BMPR1A: variants seen among roughly 807,000 people sequenced by gnomAD.
BMPR1A encodes bone morphogenetic protein receptor type-1A.
BMPR1A carries 7 observed loss-of-function variants against 66.0 expected under a neutral mutation model. The ratio of observed to expected loss-of-function variants is 0.11; its 90% confidence interval spans 0.06 to 0.20. The LOEUF (loss-of-function observed/expected upper bound fraction) is 0.20. Among genes scored for constraint, BMPR1A ranks in the 10% least tolerant of loss-of-function variants. BMPR1A has a pLI of 1.00. For missense variants in BMPR1A, 408 were observed against 669.1 expected, an observed-to-expected ratio of 0.61 and a Z score of 4.31; for synonymous variants, 200 against 229.7, an observed-to-expected ratio of 0.87 and a Z score of 1.17.
intron 1 of BMPR1A, among the ~76,000 whole-genome samples, chr10:86,821,910 C>T (rs2133012572): frequency 6.6e-6 from 1 of 152,066 alleles, no homozygotes; most frequent in East Asian, 1.9e-4. Flanking sequence ...CTCAAGTGGT[C>T]CTCTCACTTC....
chr10:86,837,247 CTG>C (rs71019433), intron 1 of BMPR1A, among the ~76,000 whole-genome samples: 47 of 138,100 alleles, frequency 3.4e-4, no homozygotes, highest in South Asian at 7.4e-4. Context: ...GTGTGTGTGT[CTG>C]TGTGTGTGTG....
chr10:86,774,241 T>C (rs1841311274), intron 1 of BMPR1A, among the ~76,000 whole-genome samples: 1 of 152,194 alleles, frequency 6.6e-6, no homozygotes, highest in African/African-American at 2.4e-5. Context: ...AATTTAGATA[T>C]CCTATTTATA....
At chr10:86,885,911 T>C (rs1191195223) in intron 3 of BMPR1A, among the ~76,000 whole-genome samples, 1 of 152,226 alleles carries the variant, frequency 6.6e-6, no homozygotes, top group Non-Finnish European at 1.5e-5. Context: ...AGTAAAATCA[T>C]TGATGCCAAA....
downstream of BMPR1A, chr10:86,930,340 G>A (rs114689229): frequency 0.066 from 10,061 of 152,142 alleles, 352 homozygotes; most frequent in South Asian, 0.11. Flanking sequence ...AGCGCAATGG[G>A]GTGATCCCAG....
intron 3 of BMPR1A, among the ~76,000 whole-genome samples, chr10:86,882,956 C>T (rs1026033690): frequency 2.0e-5 from 3 of 151,956 alleles, no homozygotes; most frequent in East Asian, 1.9e-4. Flanking sequence ...GGAGCGAAAA[C>T]GCCATCTCAA....
rs1564724169 is a variant in BMPR1A, at chr10:86,919,244, A to G, written c.941A>G (p.Asn314Ser). The change falls in exon 10 of 13, where the codon AAT becomes AGT. Residue 314 changes from asparagine to serine, a missense_variant. Physicochemically the swap from Asn to Ser is conservative, Grantham distance 46. Transcript: ENST00000372037. Reference sequence around the variant, plus strand: ...TATTTGATTACTGATTACCATGAAAATGGATCTCTCTATGACTTCCTGAAA... The same window carrying G: ...TATTTGATTACTGATTACCATGAAAGTGGATCTCTCTATGACTTCCTGAAA... ...QLYLITDYHE[N>S]GSLYDFLKCA... The G allele has an allele frequency of 6.2e-7, 1 of 1,614,002 alleles. No homozygotes were observed.
At position 86,886,828 on chromosome 10, in the gene BMPR1A, CTTTT is replaced by C. The variant is rs10572910; in HGVS notation, c.68-3217_68-3214del. ...ATGTAAACACCTCCGTATTTTGTCA[CTTTT>C]TTTTTTTTTTTTTTTTGAGATGGAT... On this transcript the variant is annotated intron_variant, in intron 3 of 12. Coordinates refer to ENST00000372037, the MANE Select transcript of BMPR1A (RefSeq NM_004329.3). Among the ~76,000 whole-genome samples the C allele has an allele frequency of 3.8e-3, 289 of 76,692 alleles. 2 individuals carry two copies. The highest frequency in any genetic ancestry group is 0.012 in the African/African-American group (272 of 22,096). The allele number at this position is 76,692 out of a possible 152,430, so 50.3% of individuals were successfully genotyped here.
intron 1 of BMPR1A, among the ~76,000 whole-genome samples, chr10:86,829,297 C>T (rs1842237264): frequency 6.6e-6 from 1 of 152,056 alleles, no homozygotes; most frequent in Middle Eastern, 3.4e-3. Context: ...TCGTATAGTC[C>T]TTGAACAGTT....
At chr10:86,861,205 A>C (rs1260792674) in intron 2 of BMPR1A, among the ~76,000 whole-genome samples, 1 of 152,116 alleles carries the variant, frequency 6.6e-6, no homozygotes, top group African/African-American at 2.4e-5. Context: ...AACGCAGAAT[A>C]AAGAAAATAA....
intron 1 of BMPR1A, among the ~76,000 whole-genome samples, chr10:86,794,822 ATC>A (rs1554879414): frequency 2.6e-5 from 4 of 151,364 alleles, no homozygotes; most frequent in African/African-American, 9.7e-5. Flanking sequence ...CTATATCTAT[ATC>A]TATAGATATA....
chr10:86,929,129 A>G (rs1564727506), downstream of BMPR1A: 1 of 152,094 alleles, frequency 6.6e-6, no homozygotes, highest in South Asian at 2.1e-4. Context: ...TGAAAAATAG[A>G]TATTAAGCAT....
At chr10:86,829,558 G>A (rs1045590225) in intron 1 of BMPR1A, among the ~76,000 whole-genome samples, 2 of 152,158 alleles carry the variant, frequency 1.3e-5, no homozygotes, top group African/African-American at 2.4e-5. Flanking sequence ...CACAAATGCT[G>A]CCACCACCAA....
intron 4 of BMPR1A, among the ~76,000 whole-genome samples, chr10:86,890,787 GTTAA>G (rs1386613553): frequency 1.3e-5 from 2 of 152,104 alleles, no homozygotes; most frequent in Admixed American, 1.3e-4. Context: ...ATCATATTGT[GTTAA>G]TTAATTTTAT....
intron 1 of BMPR1A, among the ~76,000 whole-genome samples, chr10:86,814,769 T>G (rs1301971964): frequency 6.6e-6 from 1 of 152,098 alleles, no homozygotes; most frequent in Non-Finnish European, 1.5e-5. Context: ...TGTTCCCGAT[T>G]CCTTCACTGT....
intron 2 of BMPR1A, among the ~76,000 whole-genome samples, chr10:86,839,600 A>G (rs1842397519): frequency 6.6e-6 from 1 of 151,660 alleles, no homozygotes; most frequent in Non-Finnish European, 1.5e-5. Flanking sequence ...CTCAAAAAAA[A>G]AAAAAAAAAA....
Position 86,890,244 on chromosome 10 carries a change from C to A in BMPR1A, c.230+20C>A, listed in dbSNP as rs755474277. On this transcript the variant is annotated intron_variant, in intron 4 of 12. Transcript: ENST00000372037. ...ATGCATGTAAGTATTTTATGCAGCC[C>A]TTCTTAAGAGTTAGGAGAATAGAGT... 1 of 1,612,530 alleles carries A rather than the reference C, an allele frequency of 6.2e-7. No homozygotes were observed. The highest frequency in any genetic ancestry group is 1.7e-5 in the Admixed American group (1 of 60,004).
intron 5 of BMPR1A, among the ~76,000 whole-genome samples, chr10:86,894,722 A>G (rs149358846): frequency 6.6e-6 from 1 of 152,362 alleles, no homozygotes; most frequent in Non-Finnish European, 1.5e-5. Flanking sequence ...TGAGGATCAA[A>G]TGAGATACAT....
intron 1 of BMPR1A, among the ~76,000 whole-genome samples, chr10:86,824,380 T>G (rs1483652275): frequency 6.6e-6 from 1 of 152,112 alleles, no homozygotes; most frequent in Admixed American, 6.6e-5. Flanking sequence ...GGCCCCTCCC[T>G]TAGGCATGTG....
At chr10:86,825,027 A>T (rs1842173255) in intron 1 of BMPR1A, among the ~76,000 whole-genome samples, 1 of 152,180 alleles carries the variant, frequency 6.6e-6, no homozygotes, top group Non-Finnish European at 1.5e-5. Flanking sequence ...GGACATTTAG[A>T]AATGTAATTT....
Sources: allele counts gnomAD v4.1 joint callset (sites outside exome capture counted in the v4.1 genomes callset), GRCh38; gene constraint gnomAD v4.1.1; transcripts MANE v1.5; gene names NCBI Gene and HGNC (gene_info 2026-07-23, HGNC 2026-07-21).